Variants in CTNND2 observed in about 807,000 individuals in gnomAD.
The protein encoded by CTNND2 is catenin delta 2.
In CTNND2, 22 loss-of-function variants were observed where a neutral mutation model predicts 144.4. The observed-to-expected ratio is 0.15, with a 90% CI of 0.11 to 0.22. CTNND2 has a LOEUF of 0.22. CTNND2 is among the 10% of genes least tolerant of loss of function. CTNND2 has a pLI of 1.00. For missense variants in CTNND2, 1,353 were observed against 1,618.8 expected, an observed-to-expected ratio of 0.84 and a Z score of 2.82; for synonymous variants, 751 against 695.6, an observed-to-expected ratio of 1.08 and a Z score of -1.25.
chr5:11,029,220 TA>T (rs1561195781), intron 16 of CTNND2, among the ~76,000 whole-genome samples: 1 of 152,248 alleles, frequency 6.6e-6, no homozygotes, highest in Non-Finnish European at 1.5e-5. Flanking sequence ...AATTGCATCA[TA>T]TTTTTTTAAT....
At chr5:11,195,451 A>C (rs1380081045) in intron 11 of CTNND2, among the ~76,000 whole-genome samples, 1 of 152,246 alleles carries the variant, frequency 6.6e-6, no homozygotes, top group African/African-American at 2.4e-5. Context: ...TCTGGAGAGC[A>C]ATATCCAAAT....
intron 1 of CTNND2, among the ~76,000 whole-genome samples, chr5:11,844,049 T>C (rs184966513): frequency 6.6e-6 from 1 of 152,306 alleles, no homozygotes; most frequent in East Asian, 1.9e-4. Context: ...TCAATCTGTT[T>C]ATGAGATTTT....
chr5:11,701,996 A>G (rs1174226045), intron 2 of CTNND2, among the ~76,000 whole-genome samples: 1 of 152,182 alleles, frequency 6.6e-6, no homozygotes, highest in Non-Finnish European at 1.5e-5. Flanking sequence ...ACACAAGCAA[A>G]GGCTTGGAAA....
intron 2 of CTNND2, among the ~76,000 whole-genome samples, chr5:11,697,850 G>A (rs1394592256): frequency 6.6e-6 from 1 of 152,172 alleles, no homozygotes; most frequent in African/African-American, 2.4e-5. Flanking sequence ...GCAGCCTAAA[G>A]GACGGGAAGG....
At chr5:11,757,663 G>A (rs913946586) in intron 1 of CTNND2, among the ~76,000 whole-genome samples, 1 of 151,970 alleles carries the variant, frequency 6.6e-6, no homozygotes, top group African/African-American at 2.4e-5. Context: ...CAGTTAAAAT[G>A]TAATGTATAA....
chr5:11,168,831 AAGAG>A (rs576205808), intron 11 of CTNND2, among the ~76,000 whole-genome samples: 12 of 151,416 alleles, frequency 7.9e-5, no homozygotes, highest in African/African-American at 2.4e-4. Context: ...GAGAAAGTGA[AAGAG>A]AGAGAGAGAG....
intron 9 of CTNND2, among the ~76,000 whole-genome samples, chr5:11,314,930 T>A (rs1302171886): frequency 6.6e-6 from 1 of 152,240 alleles, no homozygotes; most frequent in African/African-American, 2.4e-5. Context: ...CATAAAGTTT[T>A]TTTAGAATAA....
chr5:11,424,242 G>A (rs114486022), intron 3 of CTNND2, among the ~76,000 whole-genome samples: 8 of 152,266 alleles, frequency 5.3e-5, no homozygotes, highest in Non-Finnish European at 8.8e-5. Flanking sequence ...AGGGAATTGC[G>A]CTGAGTGAAA....
intron 10 of CTNND2, among the ~76,000 whole-genome samples, chr5:11,213,795 G>T (rs931819885): frequency 6.6e-6 from 1 of 151,154 alleles, no homozygotes; most frequent in Non-Finnish European, 1.5e-5. Flanking sequence ...TATGTTACAC[G>T]CATGCCGATA....
chr5:11,723,253 CA>C (rs1401730611), intron 2 of CTNND2, among the ~76,000 whole-genome samples: 5 of 148,294 alleles, frequency 3.4e-5, no homozygotes, highest in South Asian at 2.1e-4. Flanking sequence ...AGTCTAGTTT[CA>C]AAAAAAAAGA....
intron 3 of CTNND2, among the ~76,000 whole-genome samples, chr5:11,451,007 G>A (rs1036703447): frequency 6.6e-6 from 1 of 151,266 alleles, no homozygotes; most frequent in African/African-American, 2.4e-5. Context: ...CAATTATAGA[G>A]TGAATTTGGT....
At chr5:11,576,460 T>A (rs1421716214) in intron 2 of CTNND2, among the ~76,000 whole-genome samples, 1 of 151,462 alleles carries the variant, frequency 6.6e-6, no homozygotes, top group Non-Finnish European at 1.5e-5. Context: ...TACAGTTATA[T>A]TAGAAGATGA....
chr5:11,185,058 T>G (rs956039414), intron 11 of CTNND2, among the ~76,000 whole-genome samples: 1 of 152,214 alleles, frequency 6.6e-6, no homozygotes, highest in Non-Finnish European at 1.5e-5. Flanking sequence ...TCCATTCTTA[T>G]TAAAGAAGCA....
chr5:11,243,030 C>T (rs886933371), intron 9 of CTNND2, among the ~76,000 whole-genome samples: 11 of 152,272 alleles, frequency 7.2e-5, no homozygotes, highest in African/African-American at 2.6e-4. Context: ...ATACATTTCT[C>T]TTAAAATCTA....
intron 16 of CTNND2, among the ~76,000 whole-genome samples, chr5:11,070,820 A>G (rs1264686413): frequency 6.6e-6 from 1 of 152,212 alleles, no homozygotes; most frequent in Non-Finnish European, 1.5e-5. Context: ...AAAAAGTGCT[A>G]AAGGAGTTTC....
intron 12 of CTNND2, among the ~76,000 whole-genome samples, chr5:11,149,358 AC>A (rs1757536750): frequency 6.6e-6 from 1 of 152,026 alleles, no homozygotes; most frequent in Non-Finnish European, 1.5e-5. Context: ...GCAACATGTA[AC>A]CCCGGGAAGA....
chr5:11,888,098 T>A (rs1350339722), intron 1 of CTNND2, among the ~76,000 whole-genome samples: 3 of 152,246 alleles, frequency 2.0e-5, no homozygotes, highest in African/African-American at 7.2e-5. Context: ...GCTTCAATTT[T>A]ATAAATGAAT....
At chr5:11,089,846 C>T (rs1156928834) in intron 15 of CTNND2, among the ~76,000 whole-genome samples, 1 of 152,114 alleles carries the variant, frequency 6.6e-6, no homozygotes, top group East Asian at 1.9e-4. Flanking sequence ...TCCATCTCTA[C>T]TAAAAATACA....
At chr5:11,226,726 G>A (rs977615575) in intron 10 of CTNND2, among the ~76,000 whole-genome samples, 1 of 152,166 alleles carries the variant, frequency 6.6e-6, no homozygotes, top group African/African-American at 2.4e-5. Flanking sequence ...ATGACATGTG[G>A]GAATTATGGG....
Sources: allele counts gnomAD v4.1 joint callset (sites outside exome capture counted in the v4.1 genomes callset), GRCh38; gene constraint gnomAD v4.1.1; transcripts MANE v1.5; gene names NCBI Gene and HGNC (gene_info 2026-07-23, HGNC 2026-07-21).